ITGB5: variants seen among roughly 807,000 people sequenced by gnomAD.
ITGB5 encodes integrin beta-5.
ITGB5 carries 38 observed loss-of-function variants against 84.8 expected under a neutral mutation model. That is an observed-to-expected ratio of 0.45 (90% CI 0.35 to 0.59). The LOEUF is 0.59. Among genes scored for constraint, ITGB5 ranks in the 20% least tolerant of loss-of-function variants. The probability of loss-of-function intolerance (pLI) is 0.01; values close to 1 mark genes in which losing one functional copy is unlikely to be tolerated. For synonymous variants in ITGB5, 393 were observed against 414.4 expected, an observed-to-expected ratio of 0.95 and a Z score of 0.63; for missense variants, 905 against 1,034.5, an observed-to-expected ratio of 0.87 and a Z score of 1.72.
At chr3:124,786,496 T>C (rs1234515602) in intron 10 of ITGB5, among the ~76,000 whole-genome samples, 4 of 152,120 alleles carry the variant, frequency 2.6e-5, no homozygotes, top group African/African-American at 7.2e-5. Flanking sequence ...CCAACCTGGG[T>C]TGCATATTTC....
At chr3:124,859,819 A>T (rs1304440460) in intron 2 of ITGB5, among the ~76,000 whole-genome samples, 1 of 152,212 alleles carries the variant, frequency 6.6e-6, no homozygotes, top group African/African-American at 2.4e-5. Flanking sequence ...ATGGTGGCTC[A>T]TGCCTGTAAT....
At chr3:124,774,255 T>TATC (rs1390423371) in intron 10 of ITGB5, among the ~76,000 whole-genome samples, 2 of 152,098 alleles carry the variant, frequency 1.3e-5, no homozygotes, top group South Asian at 2.1e-4. Flanking sequence ...ATCCCCAGAG[T>TATC]ATCACTGTTA....
At chr3:124,854,524 G>T (rs1381068526) in intron 3 of ITGB5, among the ~76,000 whole-genome samples, 2 of 152,190 alleles carry the variant, frequency 1.3e-5, no homozygotes, top group African/African-American at 2.4e-5. Flanking sequence ...CACATTTTAT[G>T]ACGTATAGGA....
Position 124,821,457 on chromosome 3 carries a change from T to C in ITGB5, c.798A>G (p.Arg266=). Residue 266 remains arginine (R), a synonymous_variant, in exon 6 of 15, where the codon CGA becomes CGG. Transcript: ENST00000296181. ...AAVCKEKIGW[R]KDALHLLVFT... is the part of the protein sequence containing the mutation. ...ACACCAGCAAATGCAGTGCATCCTT[T>C]CGCCAGCCAATCTTCTCCTGAAGGA... 6.2e-7 allele frequency: 1 copy of C among 1,614,212 alleles called. No homozygotes were observed. Among genetic ancestry groups the C allele is most frequent in the Non-Finnish European group, 8.5e-7 (1 of 1,180,028 alleles).
At chr3:124,857,900 G>A (rs764303563) in intron 3 of ITGB5, among the ~76,000 whole-genome samples, 6 of 152,076 alleles carry the variant, frequency 3.9e-5, no homozygotes, top group South Asian at 4.2e-4. Context: ...TTGGGAGGCC[G>A]AGGAAGGTAG....
chr3:124,762,940 A>G lies in ITGB5; in HGVS notation c.*683T>C, dbSNP rs1159717083. 2.6e-5 allele frequency: 4 copies of G among 152,246 alleles called. No individual in the cohort carries two copies. Among genetic ancestry groups the G allele is most frequent in the Admixed American group, 1.3e-4 (2 of 15,290 alleles). 9.4% of individuals were successfully genotyped at this position (152,246 alleles called of 1,614,324 possible). On this transcript the variant is annotated 3_prime_UTR_variant, in exon 15 of 15. Transcript: ENST00000296181. The stretch of plus-strand genomic sequence containing the variant: ...AGTCCGCTCAGAAAGAAAGAAACAC[A>G]CAGAGAGTATCAGACAAACACAAAT...
In ITGB5 at chr3:124,769,163, C is replaced by T. The variant is rs746383960; in HGVS notation, c.1917-50G>A. On this transcript the variant is annotated intron_variant, in intron 11 of 14. Coordinates refer to ENST00000296181, the MANE Select transcript of ITGB5 (RefSeq NM_002213.5). ...GGGTGTCAGATAATGTAGAACAGTC[C>T]CACACCTGTCCCTGAGCTCCTGACA... 8.9e-6 allele frequency: 13 copies of T among 1,454,382 alleles called. 1 individual carries two copies. In the Admixed American group the frequency reaches 2.2e-4, roughly 25 times the overall value. 90.1% of individuals were successfully genotyped at this position (1,454,382 alleles called of 1,614,324 possible).
intron 2 of ITGB5, among the ~76,000 whole-genome samples, chr3:124,869,274 G>A (rs999612672): frequency 6.6e-6 from 1 of 152,148 alleles, no homozygotes; most frequent in African/African-American, 2.4e-5. Context: ...AAGGGGTACA[G>A]GTTGATCAAA....
At chr3:124,810,589 T>C (rs1015214754) in intron 8 of ITGB5, among the ~76,000 whole-genome samples, 6 of 147,008 alleles carry the variant, frequency 4.1e-5, no homozygotes, top group Admixed American at 2.1e-4. Context: ...CAGAGTGAGA[T>C]TGTTTCTTAA....
At chr3:124,781,791 G>A (rs555063072) in intron 10 of ITGB5, among the ~76,000 whole-genome samples, 1 of 152,244 alleles carries the variant, frequency 6.6e-6, no homozygotes, top group Admixed American at 6.5e-5. Flanking sequence ...TTGGTGGAAC[G>A]TCTCCCCTGC....
chr3:124,776,649 G>A (rs549475538), intron 10 of ITGB5, among the ~76,000 whole-genome samples: 3 of 152,224 alleles, frequency 2.0e-5, no homozygotes, highest in East Asian at 1.9e-4. Flanking sequence ...GACTTAATAC[G>A]GCTCTGGCAC....
At chr3:124,820,580 A>G (rs182918628) in intron 6 of ITGB5, among the ~76,000 whole-genome samples, 3 of 152,250 alleles carry the variant, frequency 2.0e-5, no homozygotes, top group Admixed American at 2.0e-4. Context: ...ACTGGAGAAA[A>G]TGGGCTTCTC....
rs772703997 is a variant in ITGB5, at chr3:124,768,962, C to T, written c.2017+51G>A. ...GACTCAAGGCTAAAACTACCCTCCT[C>T]CCCAGGAAGGAGAAAAACCGTGACT... On this transcript the variant is annotated intron_variant, in intron 12 of 14. Coordinates refer to ENST00000296181, the MANE Select transcript of ITGB5 (RefSeq NM_002213.5). The T allele has an allele frequency of 6.9e-6, 10 of 1,444,378 alleles. No homozygotes were observed. The South Asian group carries it at 9.3e-5, about 13-fold the overall frequency. The allele number at this position is 1,444,378 out of a possible 1,614,324, so 89.5% of individuals were successfully genotyped here.
chr3:124,886,781 G>C, intron 1 of ITGB5, 150 bp downstream of exon 1: 1 of 336,666 alleles, frequency 3.0e-6, no homozygotes, highest in Admixed American at 5.2e-5. Flanking sequence ...GCCCCGCGGG[G>C]CTGTCCCCCA....
chr3:124,783,163 C>T (rs570047152), intron 10 of ITGB5, among the ~76,000 whole-genome samples: 12 of 151,744 alleles, frequency 7.9e-5, no homozygotes, highest in South Asian at 2.1e-4. Flanking sequence ...TGGTGGCAGG[C>T]GCCTGTAATT....
chr3:124,774,829 A>G (rs1159136433), intron 10 of ITGB5, among the ~76,000 whole-genome samples: 2 of 152,210 alleles, frequency 1.3e-5, no homozygotes, highest in African/African-American at 2.4e-5. Context: ...AGTGCTTCCT[A>G]TATGAGCACC....
intron 9 of ITGB5, among the ~76,000 whole-genome samples, chr3:124,805,133 T>TTCTCTCTC (rs113766698): frequency 0.019 from 2,694 of 142,076 alleles, 102 homozygotes; most frequent in African/African-American, 0.067. Flanking sequence ...CTTTCTCCCT[T>TTCTCTCTC]TCTCTCTCTC....
intron 10 of ITGB5, among the ~76,000 whole-genome samples, chr3:124,793,971 G>A (rs369872576): frequency 5.9e-5 from 9 of 152,324 alleles, no homozygotes; most frequent in East Asian, 5.8e-4. Context: ...GTTAACCCAC[G>A]TCTGTGCAAC....
intron 3 of ITGB5, among the ~76,000 whole-genome samples, chr3:124,854,204 C>T (rs1205257150): frequency 6.6e-6 from 1 of 152,158 alleles, no homozygotes; most frequent in Non-Finnish European, 1.5e-5. Flanking sequence ...TATGACCCAG[C>T]AATTCCACTC....
Sources: gnomAD v4.1 joint callset for allele counts (sites outside exome capture counted in the v4.1 genomes callset) on GRCh38, gnomAD v4.1.1 for gene constraint, MANE v1.5 for transcripts, NCBI Gene and HGNC (gene_info 2026-07-23, HGNC 2026-07-21) for gene names.